Variants in TRPC5 observed in about 807,000 individuals in gnomAD.
TRPC5 encodes transient receptor potential cation channel subfamily C member 5.
Under a neutral mutation model 56.5 loss-of-function variants are expected in TRPC5, and 9 were observed. That is an observed-to-expected ratio of 0.16 (90% confidence interval 0.10 to 0.28). TRPC5 has a LOEUF of 0.28. TRPC5 is among the 10% of genes least tolerant of loss of function. The pLI, the probability that TRPC5 is intolerant of heterozygous loss-of-function variation, is 1.00. For missense variants in TRPC5, 469 were observed against 748.9 expected, an observed-to-expected ratio of 0.63 and a Z score of 4.36; for synonymous variants, 282 against 278.5, an observed-to-expected ratio of 1.01 and a Z score of -0.13.
In TRPC5 at chrX:111,771,530, T is replaced by C. The variant is rs1360817348; in HGVS notation, c.*4783A>G. 9.0e-6 allele frequency among the ~76,000 whole-genome samples: 1 copy of C among 111,319 alleles called. No individual in the cohort carries two copies. The highest frequency in any genetic ancestry group is 1.9e-5 in the Non-Finnish European group (1 of 53,101). On this transcript the variant is annotated 3_prime_UTR_variant, in exon 11 of 11. Transcript: ENST00000262839. ...CCTCTATCATTCCAGCAGTTAACTC[T>C]GTTTCTTAAACATTACATTTTCTAA...
chrX:112,061,656 C>T (rs1475964262), intron 1 of TRPC5, among the ~76,000 whole-genome samples: 3 of 111,559 alleles, frequency 2.7e-5, no homozygotes, highest in East Asian at 5.6e-4. Flanking sequence ...TTTACAAAGG[C>T]AGCTAATACA....
chrX:112,017,305 G>A (rs111845637), intron 1 of TRPC5, among the ~76,000 whole-genome samples: 1,288 of 111,077 alleles, frequency 0.012, 10 homozygotes, highest in Middle Eastern at 0.051. Flanking sequence ...GAGCCACCGC[G>A]CCCAGCCACG....
chrX:111,981,662 C>T (rs1033769441), intron 1 of TRPC5, among the ~76,000 whole-genome samples: 5 of 111,817 alleles, frequency 4.5e-5, no homozygotes, highest in African/African-American at 1.6e-4. Flanking sequence ...CTGTGTACAA[C>T]TGAAAATTCA....
chrX:111,778,664 C>G (rs754070550), intron 10 of TRPC5, among the ~76,000 whole-genome samples: 53 of 111,857 alleles, frequency 4.7e-4, no homozygotes, highest in Middle Eastern at 4.7e-3. Flanking sequence ...GGCATCTTCC[C>G]TTTGTTATCT....
chrX:111,941,385 G>A (rs946079601), intron 2 of TRPC5, among the ~76,000 whole-genome samples: 1 of 112,485 alleles, frequency 8.9e-6, no homozygotes, highest in African/African-American at 3.2e-5. Flanking sequence ...TATAAGCACA[G>A]TAAGGTAGTC....
chrX:112,033,119 A>G (rs1270913793), intron 1 of TRPC5, among the ~76,000 whole-genome samples: 1 of 105,068 alleles, frequency 9.5e-6, no homozygotes, highest in Non-Finnish European at 1.9e-5. Context: ...TATTGCAAGG[A>G]CAGAAAACCA....
intron 3 of TRPC5, chrX:111,876,054 A>G (rs1228690453): frequency 9.0e-6 from 1 of 110,847 alleles, no homozygotes; most frequent in Admixed American, 9.6e-5. Context: ...AAAAACTAGA[A>G]AAGACAAATG....
intron 1 of TRPC5, among the ~76,000 whole-genome samples, chrX:111,969,705 G>T (rs1392117194): frequency 6.3e-5 from 7 of 111,049 alleles, no homozygotes; most frequent in African/African-American, 2.3e-4. Context: ...GGAAGTCAGG[G>T]GTGAGAATTG....
At chrX:111,942,304 T>C (rs1431142125) in intron 2 of TRPC5, among the ~76,000 whole-genome samples, 3 of 112,504 alleles carry the variant, frequency 2.7e-5, no homozygotes, top group African/African-American at 6.5e-5. Flanking sequence ...ATATGATTAG[T>C]AGTCAAAAAT....
At chrX:112,035,931 T>C (rs1412330715) in intron 1 of TRPC5, among the ~76,000 whole-genome samples, 2 of 108,380 alleles carry the variant, frequency 1.8e-5, no homozygotes, top group Non-Finnish European at 1.9e-5. Context: ...GCCCGGCCTA[T>C]ATTATGTTAT....
chrX:111,820,118 A>T (rs1921985900), intron 7 of TRPC5, among the ~76,000 whole-genome samples: 1 of 112,375 alleles, frequency 8.9e-6, no homozygotes, highest in South Asian at 3.7e-4. Flanking sequence ...CTGCCATAGA[A>T]ATTTATTGAT....
intron 3 of TRPC5, chrX:111,902,890 AAT>A (rs1281439712): frequency 8.9e-6 from 1 of 112,016 alleles, no homozygotes; most frequent in East Asian, 2.8e-4. Flanking sequence ...TTATTCCCCA[AAT>A]GGAAAAGGCA....
At chrX:111,856,446 A>G (rs1303177745) in intron 3 of TRPC5, among the ~76,000 whole-genome samples, 3 of 107,897 alleles carry the variant, frequency 2.8e-5, no homozygotes, top group African/African-American at 1.0e-4. Context: ...GGCTGAAGCA[A>G]GAGAATCGCT....
intron 7 of TRPC5, among the ~76,000 whole-genome samples, chrX:111,786,885 G>A (rs761659161): frequency 2.0e-3 from 217 of 111,255 alleles, no homozygotes; most frequent in Admixed American, 6.6e-3. Flanking sequence ...ATATATATGC[G>A]CCCAATACAG....
intron 7 of TRPC5, among the ~76,000 whole-genome samples, chrX:111,785,679 C>T (rs1032658664): frequency 3.6e-5 from 4 of 111,486 alleles, no homozygotes; most frequent in Admixed American, 9.5e-5. Context: ...AAAGATTAGA[C>T]GAATGGCTAA....
At chrX:111,903,357 A>G (rs1925452365) in intron 3 of TRPC5, 1 of 112,365 alleles carries the variant, frequency 8.9e-6, no homozygotes, top group Non-Finnish European at 1.9e-5. Context: ...AGAGAGAAGC[A>G]AATTAATAAA....
intron 1 of TRPC5, among the ~76,000 whole-genome samples, chrX:112,006,872 G>T (rs1250601060): frequency 8.9e-6 from 1 of 111,733 alleles, no homozygotes; most frequent in Admixed American, 9.5e-5. Flanking sequence ...GCAGGGCCCA[G>T]TGCAAAATGA....
At chrX:111,777,438 CA>C (rs767314677) in intron 10 of TRPC5, among the ~76,000 whole-genome samples, 60 of 110,283 alleles carry the variant, frequency 5.4e-4, no homozygotes, top group African/African-American at 1.9e-3. Context: ...TGTTTTGAGA[CA>C]GGGGGCCCTG....
In TRPC5 at chrX:111,842,132, G is replaced by GTATATATATATATTATATATATATATATA. The variant is rs1406226710; in HGVS notation, c.1700+4981_1700+4982insTATATATATATATATAATATATATATATA. 6.1e-3 allele frequency among the ~76,000 whole-genome samples: 468 copies of GTATATATATATATTATATATATATATATA among 77,117 alleles called. 25 individuals are homozygous for GTATATATATATATTATATATATATATATA. The highest frequency in any genetic ancestry group is 0.052 in the African/African-American group (445 of 8,589). 67.0% of individuals were successfully genotyped at this position (77,117 alleles called of 115,157 possible). A position where few individuals can be genotyped will look rare whatever the true frequency, so the allele number is the denominator to read the frequency against. On this transcript the variant is annotated intron_variant, in intron 6 of 10. Coordinates refer to ENST00000262839, the MANE Select transcript of TRPC5 (RefSeq NM_012471.3). ...ATATATATATATTTTATATATATAT[G>GTATATATATATATTATATATATATATATA]TATATATATATATATGTATATTTTA...
Sources: allele counts gnomAD v4.1 joint callset (sites outside exome capture counted in the v4.1 genomes callset), GRCh38; gene constraint gnomAD v4.1.1; transcripts MANE v1.5; gene names NCBI Gene and HGNC (gene_info 2026-07-23, HGNC 2026-07-21).